DYNLT5: variants seen among roughly 807,000 people sequenced by gnomAD.
The protein encoded by DYNLT5 is dynein light chain Tctex-type family member 5.
Under a neutral mutation model 19.3 loss-of-function variants are expected in DYNLT5, and 25 were observed. That is an observed-to-expected ratio of 1.30 (90% CI 0.95 to 1.81). The LOEUF is 1.81. DYNLT5 is among the 40% of genes most tolerant of loss of function. The probability of loss-of-function intolerance (pLI) is 0.00; values close to 1 mark genes in which losing one functional copy is unlikely to be tolerated. For synonymous variants in DYNLT5, 82 were observed against 68.9 expected (o/e 1.19, Z -0.94); for missense variants, 232 against 217.9 (o/e 1.06, Z -0.41).
At chr1:66,770,211 A>G (rs1299912889) in intron 2 of DYNLT5, among the ~76,000 whole-genome samples, 176 bp from the exon 3 acceptor site, 1 of 152,200 alleles carries the variant, frequency 6.6e-6, no homozygotes, top group Non-Finnish European at 1.5e-5. Flanking sequence ...GCATCTTAAT[A>G]TTTCCATCTC....
intron 3 of DYNLT5, chr1:66,775,039 G>C (rs533229426): frequency 6.6e-6 from 1 of 152,196 alleles, no homozygotes; most frequent in Non-Finnish European, 1.5e-5. Flanking sequence ...CTGTATGCCA[G>C]GCCCTGGGCA....
At chr1:66,763,191 C>A (rs976832145) in intron 2 of DYNLT5, among the ~76,000 whole-genome samples, 1 of 152,166 alleles carries the variant, frequency 6.6e-6, no homozygotes, top group African/African-American at 2.4e-5. Flanking sequence ...TAAAAGGAAT[C>A]TCTTTTTCAG....
At chr1:66,760,145 A>C (rs2094643375) in intron 2 of DYNLT5, among the ~76,000 whole-genome samples, 1 of 151,970 alleles carries the variant, frequency 6.6e-6, no homozygotes, top group South Asian at 2.1e-4. Context: ...AACTCCCTTA[A>C]CCTGCTCTAT....
chr1:66,777,388 A>G lies in DYNLT5; in HGVS notation c.474A>G (p.Ser158=), dbSNP rs1572554139. Residue 158 remains serine (S), a synonymous_variant, in exon 5 of 5, where the codon TCA becomes TCG. Transcript: ENST00000282670. ...GGGATCCTAAAAGTGATACCTTTTC[A>G]TCTTATGTTTTCAGAAATTCTTCTC... ...CLWDPKSDTF[S]SYVFRNSSLF... 1 of 1,613,926 alleles carries G rather than the reference A, an allele frequency of 6.2e-7. No individual in the cohort carries two copies. Among genetic ancestry groups the G allele is most frequent in the Non-Finnish European group, 8.5e-7 (1 of 1,179,880 alleles).
At chr1:66,761,620 T>C (rs1195664910) in intron 2 of DYNLT5, among the ~76,000 whole-genome samples, 1 of 152,050 alleles carries the variant, frequency 6.6e-6, no homozygotes. Context: ...CCCCCTTCCC[T>C]ACAAACAAAT....
chr1:66,752,779 C>G (rs2150855820), intron 1 of DYNLT5, among the ~76,000 whole-genome samples, 195 bp downstream of exon 1: 1 of 152,334 alleles, frequency 6.6e-6, no homozygotes, highest in South Asian at 2.1e-4. Flanking sequence ...CGTCCCCTGC[C>G]CCATTGCATG....
At chr1:66,756,137 A>G (rs1286115899) in intron 2 of DYNLT5, among the ~76,000 whole-genome samples, 2 of 152,250 alleles carry the variant, frequency 1.3e-5, no homozygotes, top group Non-Finnish European at 2.9e-5. Flanking sequence ...AAATAAGAAT[A>G]CAAAAATCAT....
In DYNLT5 at chr1:66,754,728, C is replaced by A; in HGVS notation, c.70C>A (p.Leu24Ile). 1 of 1,613,122 alleles carries A rather than the reference C, an allele frequency of 6.2e-7. No homozygotes were observed. Among genetic ancestry groups the A allele is most frequent in the South Asian group, 1.1e-5 (1 of 90,966 alleles). The change falls in exon 2 of 5, where the codon CTA becomes ATA. Residue 24 changes from leucine (L) to isoleucine (I), a missense_variant. Coordinates refer to ENST00000282670, the MANE Select transcript of DYNLT5 (RefSeq NM_152665.3). ...GAAGAAAAGAGGGAGTATTTCTTCTCTAAGTAATCATGAATTTTGGCGAAA... is the reference window on the plus strand; with the variant it reads ...GAAGAAAAGAGGGAGTATTTCTTCTATAAGTAATCATGAATTTTGGCGAAA... ...SWKKRGSISS[L>I]SNHEFWRKEI...
At chr1:66,757,137 T>C (rs975519839) in intron 2 of DYNLT5, among the ~76,000 whole-genome samples, 8 of 152,214 alleles carry the variant, frequency 5.3e-5, no homozygotes, top group Non-Finnish European at 1.2e-4. Context: ...ATTTGTCTTT[T>C]TAGCGGTAAC....
intron 2 of DYNLT5, among the ~76,000 whole-genome samples, chr1:66,760,475 C>A (rs1177189721): frequency 6.6e-6 from 1 of 152,146 alleles, no homozygotes; most frequent in African/African-American, 2.4e-5. Context: ...TGTGTTAAGT[C>A]CAGGTTGACT....
rs375794592 is a variant in DYNLT5 at position 66,773,969 on chromosome 1, C to A, written c.212-2310C>A. ...TTCTGGATGTTTAGGGGAAAGGTAA[C>A]AAAGAAGTAAGAAAAGAATACTTCA... On this transcript the variant is annotated intron_variant, in intron 3 of 4. Transcript: ENST00000282670. Among the ~76,000 whole-genome samples, 5 of 152,066 alleles carry A rather than the reference C, an allele frequency of 3.3e-5. No homozygotes were observed. The East Asian group carries it at 7.7e-4, about 23-fold the overall frequency.
At chr1:66,755,082 T>C (rs2094633804) in intron 2 of DYNLT5, among the ~76,000 whole-genome samples, 1 of 152,214 alleles carries the variant, frequency 6.6e-6, no homozygotes, top group African/African-American at 2.4e-5. Context: ...TTCTCCTCAA[T>C]ATTTTATAAC....
At chr1:66,767,204 C>T (rs1645163637) in intron 2 of DYNLT5, among the ~76,000 whole-genome samples, 1 of 151,840 alleles carries the variant, frequency 6.6e-6, no homozygotes. Context: ...CCTCAAAGCC[C>T]CAGTTCCTCT....
chr1:66,772,147 A>T (rs1314402035), intron 3 of DYNLT5, among the ~76,000 whole-genome samples: 1 of 152,150 alleles, frequency 6.6e-6, no homozygotes, highest in Non-Finnish European at 1.5e-5. Context: ...CCGTTTTTGC[A>T]TTGCTATAAA....
chr1:66,754,532 C>A, intron 1 of DYNLT5, 124 bp from the exon 2 acceptor site: 3 of 976,410 alleles, frequency 3.1e-6, no homozygotes, highest in Middle Eastern at 2.8e-4. Context: ...CTTGAGGAAA[C>A]CCCACTTTCC....
chr1:66,774,600 A>G (rs1156526216), intron 3 of DYNLT5, among the ~76,000 whole-genome samples: 2 of 151,692 alleles, frequency 1.3e-5, no homozygotes, highest in African/African-American at 4.9e-5. Context: ...AGAGGGAGTG[A>G]GAAGTGTGAG....
At chr1:66,775,991 G>A (rs781216688) in intron 3 of DYNLT5, among the ~76,000 whole-genome samples, 1 of 152,168 alleles carries the variant, frequency 6.6e-6, no homozygotes, top group African/African-American at 2.4e-5. Context: ...AGACTTTGAA[G>A]TATGTCCACA....
chr1:66,758,630 C>T (rs1304375818), intron 2 of DYNLT5, among the ~76,000 whole-genome samples: 1 of 152,120 alleles, frequency 6.6e-6, no homozygotes, highest in Non-Finnish European at 1.5e-5. Flanking sequence ...CTTCTATGTG[C>T]CAATTACTGT....
Position 66,776,288 on chromosome 1 carries a change from A to G in DYNLT5, c.221A>G (p.Lys74Arg). 1 of 1,612,152 alleles carries G rather than the reference A, an allele frequency of 6.2e-7. No individual in the cohort carries two copies. Among genetic ancestry groups the G allele is most frequent in the Non-Finnish European group, 8.5e-7 (1 of 1,179,244 alleles). Reference sequence around the variant, plus strand: ...TTATGTGTATTTTCAGGTCCTCCCAAACATTTTCCTGTGGTCACCGTCAAT... The same window carrying G: ...TTATGTGTATTTTCAGGTCCTCCCAGACATTTTCCTGTGGTCACCGTCAAT... ...MENTYQLGPP[K>R]HFPVVTVNHI... The change falls in exon 4 of 5, where the codon AAA becomes AGA. Residue 74 changes from lysine to arginine, a missense_variant. By Grantham distance (26) the Lys-to-Arg change is conservative. Coordinates refer to ENST00000282670, the MANE Select transcript of DYNLT5 (RefSeq NM_152665.3).
Sources: allele counts gnomAD v4.1 joint callset (sites outside exome capture counted in the v4.1 genomes callset), GRCh38; gene constraint gnomAD v4.1.1; transcripts MANE v1.5; gene names NCBI Gene and HGNC (gene_info 2026-07-23, HGNC 2026-07-21).